NUP210: variants seen among roughly 807,000 people sequenced by gnomAD.
NUP210 encodes the protein nucleoporin 210.
In NUP210, 151 loss-of-function variants were observed where a neutral mutation model predicts 196.0. The observed-to-expected ratio is 0.77, with a 90% CI of 0.67 to 0.88. NUP210 has a LOEUF of 0.88. Ranked by LOEUF, NUP210 falls within the 40% of genes least tolerant of loss-of-function variation. The pLI is 0.00. For missense variants in NUP210, 2,314 were observed against 2,493.7 expected, an observed-to-expected ratio of 0.93 and a Z score of 1.53; for synonymous variants, 1,070 against 1,052.7, an observed-to-expected ratio of 1.02 and a Z score of -0.32.
intron 13 of NUP210, 64 bp from the exon 14 acceptor site, chr3:13,366,155 G>A: frequency 6.6e-7 from 1 of 1,506,472 alleles, no homozygotes; most frequent in Non-Finnish European, 9.0e-7. Context: ...TTGAGATGGA[G>A]TCTCGCTGTG....
At chr3:13,392,610 G>A (rs999280552) in intron 3 of NUP210, among the ~76,000 whole-genome samples, 2 of 152,190 alleles carry the variant, frequency 1.3e-5, no homozygotes, top group Admixed American at 6.5e-5. Flanking sequence ...TGGATGCTGC[G>A]TCCCCATCAG....
intron 27 of NUP210, 44 bp downstream of exon 27, chr3:13,336,743 G>A: frequency 6.3e-7 from 1 of 1,596,366 alleles, no homozygotes; most frequent in Non-Finnish European, 8.5e-7. Context: ...GTGCTGGCCT[G>A]GGACAGGGGT....
In NUP210 at chr3:13,317,537, T is replaced by C. The variant is rs1696317234; in HGVS notation, c.*144A>G. The C allele has an allele frequency of 1.5e-6, 1 of 672,236 alleles. No homozygotes were observed. The highest frequency in any genetic ancestry group is 2.2e-5 in the Admixed American group (1 of 45,768). 41.6% of individuals were successfully genotyped at this position (672,236 alleles called of 1,614,324 possible). On this transcript the variant is annotated 3_prime_UTR_variant, in exon 40 of 40. Coordinates refer to ENST00000254508, the MANE Select transcript of NUP210 (RefSeq NM_024923.4). ...GGGCAGAGCCGAAACTACAGCTCTG[T>C]GTGAAGAGACGGCAGTGAAGCTGGC...
In NUP210 at chr3:13,339,989, GAAA is replaced by G; in HGVS notation, c.3333_3335del (p.Phe1112del). Reference sequence around the variant, plus strand: ...GCGCAACGCTCTCATTGCTGATGGAGAAAAGGATGTTGGACTGAGGCTGGGGGC... The same window carrying G: ...GCGCAACGCTCTCATTGCTGATGGAGAGGATGTTGGACTGAGGCTGGGGGC... On this transcript the variant is annotated inframe_deletion, in exon 25 of 40. Transcript: ENST00000254508. The G allele has an allele frequency of 6.2e-7, 1 of 1,614,094 alleles. No individual in the cohort carries two copies. Among genetic ancestry groups the G allele is most frequent in the South Asian group, 1.1e-5 (1 of 91,090 alleles).
intron 16 of NUP210, among the ~76,000 whole-genome samples, chr3:13,356,770 T>C (rs1698184974): frequency 6.6e-6 from 1 of 152,228 alleles, no homozygotes; most frequent in African/African-American, 2.4e-5. Flanking sequence ...TTGAGGTCCA[T>C]TATTTTCTGG....
intron 15 of NUP210, among the ~76,000 whole-genome samples, chr3:13,358,598 C>T (rs1431504587): frequency 6.6e-6 from 1 of 152,160 alleles, no homozygotes; most frequent in East Asian, 1.9e-4. Flanking sequence ...CTAAGAGACT[C>T]TCAGATGGGA....
At chr3:13,375,778 C>A in intron 10 of NUP210, 137 bp from the exon 11 acceptor site, 1 of 870,694 alleles carries the variant, frequency 1.1e-6, no homozygotes, top group Non-Finnish European at 1.8e-6. Flanking sequence ...AGGAAGGTGC[C>A]AGACACCCTG....
At chr3:13,357,965 A>C (rs570594581) in intron 16 of NUP210, among the ~76,000 whole-genome samples, 176 of 152,322 alleles carry the variant, frequency 1.2e-3, no homozygotes, top group African/African-American at 4.1e-3. Context: ...CAAATGTGGA[A>C]GAGGACTCTA....
At position 13,319,853 on chromosome 3, in the gene NUP210, T is replaced by C. The variant is rs1576336577; in HGVS notation, c.5293A>G (p.Thr1765Ala). ...GTCACGGGGCTGGAGAAGGTCAGGG[T>C]AGTGGACAGAGGCCCTTGGCTGCCA... ...AAGSQGPLST[T>A]LTFSSPVTNQ... Residue 1765 changes from threonine to alanine, a missense_variant, in exon 37 of 40, where the codon ACC becomes GCC. Physicochemically the swap from Thr to Ala is moderately conservative, Grantham distance 58. Coordinates refer to ENST00000254508, the MANE Select transcript of NUP210 (RefSeq NM_024923.4). The C allele has an allele frequency of 6.2e-7, 1 of 1,613,958 alleles. No homozygotes were observed. Among genetic ancestry groups the C allele is most frequent in the African/African-American group, 1.3e-5 (1 of 74,900 alleles).
chr3:13,336,006 A>C (rs1423510915), intron 27 of NUP210, among the ~76,000 whole-genome samples: 1 of 152,240 alleles, frequency 6.6e-6, no homozygotes, highest in Non-Finnish European at 1.5e-5. Flanking sequence ...TCTGCTAATA[A>C]GTCTCACTGT....
At chr3:13,377,253 G>A (rs1698943749) in intron 9 of NUP210, among the ~76,000 whole-genome samples, 1 of 152,108 alleles carries the variant, frequency 6.6e-6, no homozygotes, top group Admixed American at 6.5e-5. Flanking sequence ...CAGCTAGGCC[G>A]GTGTGCAGGC....
intron 1 of NUP210, among the ~76,000 whole-genome samples, chr3:13,401,027 G>A (rs772972745): frequency 5.5e-4 from 83 of 152,048 alleles, no homozygotes; most frequent in Non-Finnish European, 1.0e-3. Flanking sequence ...GGAGGCCGAG[G>A]TGGGCAGATC....
intron 6 of NUP210, among the ~76,000 whole-genome samples, chr3:13,385,271 G>A (rs1368939414): frequency 2.0e-5 from 3 of 152,150 alleles, no homozygotes; most frequent in Non-Finnish European, 4.4e-5. Flanking sequence ...CCTCTTAAGT[G>A]ACACCCTGTA....
intron 6 of NUP210, among the ~76,000 whole-genome samples, chr3:13,382,353 G>A (rs907896708): frequency 1.3e-5 from 2 of 152,146 alleles, no homozygotes; most frequent in African/African-American, 4.8e-5. Context: ...TAAGCCTCAG[G>A]AGCCTGTCTC....
chr3:13,330,023 C>T (rs1696931178), intron 30 of NUP210, among the ~76,000 whole-genome samples: 1 of 152,234 alleles, frequency 6.6e-6, no homozygotes, highest in Admixed American at 6.5e-5. Context: ...ACTTGTATGG[C>T]AGGTACTGAG....
At chr3:13,345,558 C>T (rs563978599) in intron 20 of NUP210, among the ~76,000 whole-genome samples, 12 of 152,300 alleles carry the variant, frequency 7.9e-5, no homozygotes, top group East Asian at 1.9e-4. Context: ...GGAGGATCAA[C>T]GAGCTGGCCC....
At chr3:13,327,837 T>G (rs1043733187) in intron 31 of NUP210, among the ~76,000 whole-genome samples, 9 of 152,248 alleles carry the variant, frequency 5.9e-5, no homozygotes, top group Non-Finnish European at 1.2e-4. Context: ...AAGCAGCCTC[T>G]GCCCCTTTCC....
intron 4 of NUP210, among the ~76,000 whole-genome samples, chr3:13,389,137 C>T (rs778399638): frequency 3.2e-4 from 48 of 152,334 alleles, no homozygotes; most frequent in South Asian, 6.2e-4. Context: ...AATGCTGGGC[C>T]GCACTGTGAT....
At chr3:13,380,263 G>A (rs923516076) in intron 6 of NUP210, among the ~76,000 whole-genome samples, 13 of 152,144 alleles carry the variant, frequency 8.5e-5, no homozygotes, top group Non-Finnish European at 1.5e-4. Context: ...GAGTTTCCCC[G>A]AGAAGTAAGA....
Sources: gnomAD v4.1 joint callset for allele counts (sites outside exome capture counted in the v4.1 genomes callset) on GRCh38, gnomAD v4.1.1 for gene constraint, MANE v1.5 for transcripts, NCBI Gene and HGNC (gene_info 2026-07-23, HGNC 2026-07-21) for gene names.